Variants in EPHX1 observed in about 807,000 individuals in gnomAD.
EPHX1 encodes the protein epoxide hydratase.
In EPHX1, 40 loss-of-function variants were observed where a neutral mutation model predicts 43.2. That is an observed-to-expected ratio of 0.93 (90% CI 0.72 to 1.21). EPHX1 has a LOEUF of 1.21. EPHX1 is among the 50% of genes most tolerant of loss of function. The pLI is 0.00. For synonymous variants in EPHX1, 221 were observed against 226.7 expected (o/e 0.98, Z 0.22); for missense variants, 550 against 570.4 (o/e 0.96, Z 0.36).
rs560659927 is a variant in EPHX1 at position 225,817,390 on chromosome 1, C to T, written c.-6+7221C>T. On this transcript the variant is annotated intron_variant, in intron 1 of 8. Transcript: ENST00000272167. The surrounding 1 kb of genome is among the most constrained non-coding windows in gnomAD (Gnocchi z 5.7). Reference sequence around the variant, plus strand: ...GGAACGCTCCCAGGCTCCCATCCTGCGTCCGCTTGGCAGGCAGGCCAGGAA... The same window carrying T: ...GGAACGCTCCCAGGCTCCCATCCTGTGTCCGCTTGGCAGGCAGGCCAGGAA... Among the ~76,000 whole-genome samples the T allele has an allele frequency of 1.3e-5, 2 of 152,326 alleles. No individual in the cohort carries two copies. Among genetic ancestry groups the T allele is most frequent in the African/African-American group, 2.4e-5 (1 of 41,580 alleles).
At chr1:225,842,285 CA>C in intron 6 of EPHX1, 80 bp from the exon 7 acceptor site, 1 of 1,068,184 alleles carries the variant, frequency 9.4e-7, no homozygotes, top group Non-Finnish European at 1.5e-6. Context: ...CCTCTGCGGC[CA>C]GTGCCACACA....
At chr1:225,842,174 A>C (rs1418558322) in intron 6 of EPHX1, among the ~76,000 whole-genome samples, 192 bp from the exon 7 acceptor site, 2 of 152,244 alleles carry the variant, frequency 1.3e-5, no homozygotes, top group Non-Finnish European at 2.9e-5. Context: ...CCTGTTTATC[A>C]GATGAGGATG....
rs755880486 is a variant in EPHX1 at position 225,844,579 on chromosome 1, C to T, written c.1122C>T (p.Tyr374=). Residue 374 remains tyrosine (Y), a synonymous_variant, in exon 8 of 9, where the codon TAC becomes TAT. Coordinates refer to ENST00000272167, the MANE Select transcript of EPHX1 (RefSeq NM_001136018.4). ...CCATCATCTCCTCCCAGCGCTTCTA[C>T]AAGGAGAACCTGGGACAGGGCTGGA... ...TGTIISSQRF[Y]KENLGQGWMT... The T allele has an allele frequency of 1.2e-6, 2 of 1,614,184 alleles. No homozygotes were observed. The highest frequency in any genetic ancestry group is 2.2e-5 in the East Asian group (1 of 44,886).
At chr1:225,839,571 TAGG>T in intron 5 of EPHX1, among the ~76,000 whole-genome samples, 1 of 152,008 alleles carries the variant, frequency 6.6e-6, no homozygotes, top group African/African-American at 2.4e-5. Flanking sequence ...AGGCCTGTGA[TAGG>T]AGGGGAAGGT....
At position 225,839,936 on chromosome 1, in the gene EPHX1, G is replaced by A. The variant is rs1249123908; in HGVS notation, c.830G>A (p.Arg277Lys). The change falls in exon 6 of 9, where the codon AGG becomes AAG. Residue 277 changes from arginine to lysine, a missense_variant. Coordinates refer to ENST00000272167, the MANE Select transcript of EPHX1 (RefSeq NM_001136018.4). ...GGGAGGTTTCTTGGCCTCACTGAGA[G>A]GGATGTGGAGCTGCTGTACCCCGTC... ...RFGRFLGLTE[R>K]DVELLYPVKE... is the part of the protein sequence containing the mutation. 1.9e-6 allele frequency: 3 copies of A among 1,614,240 alleles called. No individual in the cohort carries two copies. The highest frequency in any genetic ancestry group is 2.5e-6 in the Non-Finnish European group (3 of 1,180,048).
intron 7 of EPHX1, among the ~76,000 whole-genome samples, chr1:225,843,665 AG>A (rs1187986739): frequency 3.9e-5 from 6 of 152,176 alleles, no homozygotes; most frequent in Non-Finnish European, 5.9e-5. Context: ...CAAATCCCTG[AG>A]CAGGAGGTAG....
chr1:225,844,462 G>A (rs568480799), intron 7 of EPHX1, 36 bp from the exon 8 acceptor site: 3 of 1,480,382 alleles, frequency 2.0e-6, no homozygotes, highest in Non-Finnish European at 2.8e-6. Context: ...ACTGCATGTG[G>A]CACTGAGAGT....
chr1:225,821,084 GAA>G (rs1666959736), intron 1 of EPHX1, among the ~76,000 whole-genome samples: 1 of 152,026 alleles, frequency 6.6e-6, no homozygotes, highest in Non-Finnish European at 1.5e-5. Flanking sequence ...TCAAATAACA[GAA>G]AAAGAGTTCA....
At chr1:225,833,238 G>A (rs879321503) in intron 3 of EPHX1, among the ~76,000 whole-genome samples, 3 of 152,184 alleles carry the variant, frequency 2.0e-5, no homozygotes, top group Admixed American at 1.3e-4. Flanking sequence ...GCCTTTTCAA[G>A]GAACAGTGAA....
rs1666774496 is a variant in EPHX1, at chr1:225,817,397, T to C, written c.-6+7228T>C. 6.6e-6 allele frequency among the ~76,000 whole-genome samples: 1 copy of C among 152,172 alleles called. No homozygotes were observed. The highest frequency in any genetic ancestry group is 6.5e-5 in the Admixed American group (1 of 15,280). ...TCCCAGGCTCCCATCCTGCGTCCGC[T>C]TGGCAGGCAGGCCAGGAATGGGAGG... On this transcript the variant is annotated intron_variant, in intron 1 of 8. Transcript: ENST00000272167. The surrounding 1 kb of genome is among the most constrained non-coding windows in gnomAD (Gnocchi z 5.7).
chr1:225,831,148 C>A (rs913110941), intron 2 of EPHX1, among the ~76,000 whole-genome samples: 1 of 152,124 alleles, frequency 6.6e-6, no homozygotes, highest in African/African-American at 2.4e-5. Context: ...CTGCAGCCTG[C>A]AAAGCCTAGA....
chr1:225,823,233 T>C (rs1302622701), intron 1 of EPHX1, among the ~76,000 whole-genome samples: 1 of 151,802 alleles, frequency 6.6e-6, no homozygotes, highest in Admixed American at 6.6e-5. Flanking sequence ...GGTCTTGCTA[T>C]GTTGCCCAGG....
At chr1:225,820,993 A>G (rs775920217) in intron 1 of EPHX1, among the ~76,000 whole-genome samples, 5 of 152,134 alleles carry the variant, frequency 3.3e-5, no homozygotes, top group Non-Finnish European at 7.4e-5. Flanking sequence ...ACATGTTTAT[A>G]CTTGCTTTTC....
chr1:225,842,267 A>C, intron 6 of EPHX1, 99 bp from the exon 7 acceptor site: 2 of 916,478 alleles, frequency 2.2e-6, no homozygotes, highest in Middle Eastern at 2.1e-4. Context: ...TCCTGCACAC[A>C]GCCCCGCCCT....
At chr1:225,815,253 TG>T (rs1342633330) in intron 1 of EPHX1, among the ~76,000 whole-genome samples, 1 of 135,474 alleles carries the variant, frequency 7.4e-6, no homozygotes, top group African/African-American at 2.6e-5. Flanking sequence ...GTTTTTGTCT[TG>T]TTTTTTTTTG....
chr1:225,840,335 G>A (rs1420347886), intron 6 of EPHX1, among the ~76,000 whole-genome samples: 1 of 152,190 alleles, frequency 6.6e-6, no homozygotes, highest in Non-Finnish European at 1.5e-5. Context: ...GAGGGATGGA[G>A]GGGGTGAGGT....
intron 7 of EPHX1, 40 bp from the exon 8 acceptor site, chr1:225,844,458 T>C (rs754005108): frequency 5.4e-6 from 8 of 1,480,156 alleles, no homozygotes; most frequent in East Asian, 2.2e-5. Flanking sequence ...CACAACTGCA[T>C]GTGGCACTGA....
intron 6 of EPHX1, 79 bp from the exon 7 acceptor site, chr1:225,842,287 G>A: frequency 9.1e-7 from 1 of 1,101,646 alleles, no homozygotes; most frequent in Non-Finnish European, 1.4e-6. Context: ...TCTGCGGCCA[G>A]TGCCACACAT....
At chr1:225,810,372 TG>T (rs1666415677) in intron 1 of EPHX1, 1 of 151,792 alleles carries the variant, frequency 6.6e-6, no homozygotes, top group Non-Finnish European at 1.5e-5. Context: ...TGCCGCCTAC[TG>T]GGGGAAGGAG....
Sources: allele counts gnomAD v4.1 joint callset (sites outside exome capture counted in the v4.1 genomes callset), GRCh38; gene constraint gnomAD v4.1.1; non-coding constraint Gnocchi (gnomAD v3.1); transcripts MANE v1.5; gene names NCBI Gene and HGNC (gene_info 2026-07-23, HGNC 2026-07-21).